SDK1: variants seen among roughly 807,000 people sequenced by gnomAD.
The protein encoded by SDK1 is sidekick cell adhesion molecule 1.
In SDK1, 157 loss-of-function variants were observed where a neutral mutation model predicts 245.5. The observed-to-expected ratio is 0.64, with a 90% CI of 0.56 to 0.73. The LOEUF (loss-of-function observed/expected upper bound fraction) is 0.73, where lower values mean the gene tolerates loss of function less well. SDK1 is among the 30% of genes least tolerant of loss of function. The probability of loss-of-function intolerance (pLI) is 0.00; values close to 1 mark genes in which losing one functional copy is unlikely to be tolerated. For missense variants in SDK1, 3,583 were observed against 3,002.3 expected (o/e 1.19, Z -4.52); for synonymous variants, 1,647 against 1,278.5 (o/e 1.29, Z -6.15).
intron 1 of SDK1, among the ~76,000 whole-genome samples, chr7:3,537,040 C>G (rs1209961117): frequency 1.3e-5 from 2 of 151,662 alleles, no homozygotes; most frequent in East Asian, 3.9e-4. Context: ...TTAACTATAC[C>G]CTCTGAGTCT....
chr7:4,057,679 C>G (rs1422824182), intron 19 of SDK1, among the ~76,000 whole-genome samples: 1 of 152,178 alleles, frequency 6.6e-6, no homozygotes, highest in Non-Finnish European at 1.5e-5. Flanking sequence ...CCCACTGCTG[C>G]CACCACTGGG....
At chr7:3,902,768 T>A (rs1455105668) in intron 5 of SDK1, among the ~76,000 whole-genome samples, 4 of 152,200 alleles carry the variant, frequency 2.6e-5, no homozygotes, top group Non-Finnish European at 5.9e-5. Flanking sequence ...TAAAGAGCTG[T>A]TTTCAAAGTT....
chr7:3,719,679 A>G (rs1785307732), intron 4 of SDK1, among the ~76,000 whole-genome samples: 1 of 152,144 alleles, frequency 6.6e-6, no homozygotes, highest in Non-Finnish European at 1.5e-5. Context: ...AAACTGTAAA[A>G]CTTTAAAACT....
At chr7:3,714,401 C>T (rs186589239) in intron 4 of SDK1, among the ~76,000 whole-genome samples, 101 of 152,320 alleles carry the variant, frequency 6.6e-4, no homozygotes, top group African/African-American at 2.2e-3. Context: ...TTTTTACTCT[C>T]TTTTCAACCT....
At chr7:3,434,571 G>C (rs1779964635) in intron 1 of SDK1, among the ~76,000 whole-genome samples, 1 of 152,146 alleles carries the variant, frequency 6.6e-6, no homozygotes, top group African/African-American at 2.4e-5. Flanking sequence ...TTGTAGATGG[G>C]ACATCTCTGG....
intron 40 of SDK1, among the ~76,000 whole-genome samples, chr7:4,225,743 C>G (rs965244950): frequency 2.0e-5 from 3 of 152,122 alleles, no homozygotes; most frequent in South Asian, 2.1e-4. Context: ...TCAGCTGAGT[C>G]TGAGCTCAGC....
intron 4 of SDK1, among the ~76,000 whole-genome samples, chr7:3,783,071 C>G (rs552743840): frequency 2.0e-5 from 3 of 152,138 alleles, no homozygotes; most frequent in Admixed American, 2.0e-4. Flanking sequence ...TCACCATACA[C>G]AAATCAATAA....
intron 4 of SDK1, among the ~76,000 whole-genome samples, chr7:3,806,704 C>T (rs1239690793): frequency 6.6e-6 from 1 of 152,222 alleles, no homozygotes; most frequent in Non-Finnish European, 1.5e-5. Context: ...CGTTGCAGTT[C>T]TCTGAGGAGA....
intron 5 of SDK1, among the ~76,000 whole-genome samples, chr7:3,907,615 C>T (rs1778998308): frequency 6.6e-6 from 1 of 152,144 alleles, no homozygotes; most frequent in Non-Finnish European, 1.5e-5. Context: ...ATGTTCAGTT[C>T]CCTGGGATAT....
intron 5 of SDK1, among the ~76,000 whole-genome samples, chr7:3,826,951 A>T (rs1260447685): frequency 1.3e-5 from 2 of 152,134 alleles, no homozygotes; most frequent in African/African-American, 2.4e-5. Flanking sequence ...AACAAAGACC[A>T]TCATTCTCTC....
At chr7:3,820,418 G>C (rs558221317) in intron 4 of SDK1, among the ~76,000 whole-genome samples, 1 of 152,144 alleles carries the variant, frequency 6.6e-6, no homozygotes, top group African/African-American at 2.4e-5. Context: ...AAAGTGCTGG[G>C]ATCACAGATG....
At chr7:3,981,561 G>A (rs1355216821) in intron 13 of SDK1, among the ~76,000 whole-genome samples, 1 of 152,184 alleles carries the variant, frequency 6.6e-6, no homozygotes, top group African/African-American at 2.4e-5. Flanking sequence ...GAATGCAAAG[G>A]GAAAGTTATT....
intron 4 of SDK1, among the ~76,000 whole-genome samples, chr7:3,775,670 G>A (rs778411841): frequency 3.3e-5 from 5 of 150,810 alleles, no homozygotes; most frequent in South Asian, 4.2e-4. Flanking sequence ...TCTGCTTCCC[G>A]GGTTCACGCC....
chr7:3,741,566 ATTAACT>A (rs1779474940), intron 4 of SDK1, among the ~76,000 whole-genome samples: 1 of 152,196 alleles, frequency 6.6e-6, no homozygotes, highest in South Asian at 2.1e-4. Context: ...GTTTGCCCTA[ATTAACT>A]TTAATACTAC....
At chr7:3,498,048 C>G (rs960393784) in intron 1 of SDK1, among the ~76,000 whole-genome samples, 1 of 152,218 alleles carries the variant, frequency 6.6e-6, no homozygotes, top group Non-Finnish European at 1.5e-5. Flanking sequence ...GAAACTAACA[C>G]TCCAAAAGTT....
intron 17 of SDK1, among the ~76,000 whole-genome samples, chr7:4,019,507 G>A (rs1786695935): frequency 1.3e-5 from 2 of 152,116 alleles, no homozygotes; most frequent in Admixed American, 1.3e-4. Context: ...TTCTGGATGG[G>A]GAAATTACTA....
At chr7:3,349,597 A>C (rs934991318) in intron 1 of SDK1, among the ~76,000 whole-genome samples, 1 of 152,010 alleles carries the variant, frequency 6.6e-6, no homozygotes, top group Non-Finnish European at 1.5e-5. Flanking sequence ...GCCAGAGTAC[A>C]TGTATCTTTT....
intron 1 of SDK1, among the ~76,000 whole-genome samples, chr7:3,617,559 A>C (rs557269649): frequency 6.6e-6 from 1 of 152,266 alleles, no homozygotes; most frequent in South Asian, 2.1e-4. Flanking sequence ...AAATGATGGA[A>C]GTATATTTGA....
intron 14 of SDK1, among the ~76,000 whole-genome samples, chr7:4,001,576 G>C (rs1483920816): frequency 6.6e-6 from 1 of 152,202 alleles, no homozygotes; most frequent in Non-Finnish European, 1.5e-5. Context: ...ATTTCTAAAT[G>C]TCTCAGCTCT....
Sources: gnomAD v4.1 joint callset for allele counts (sites outside exome capture counted in the v4.1 genomes callset) on GRCh38, gnomAD v4.1.1 for gene constraint, MANE v1.5 for transcripts, NCBI Gene and HGNC (gene_info 2026-07-23, HGNC 2026-07-21) for gene names.